The following AXL variants were observed in gnomAD, a reference collection of about 807,000 sequenced individuals.
AXL encodes the protein tyrosine-protein kinase receptor UFO.
A neutral mutation model predicts 104.5 loss-of-function variants in AXL; 52 were observed. That is an observed-to-expected ratio of 0.50 (90% CI 0.40 to 0.63). The LOEUF (loss-of-function observed/expected upper bound fraction) is 0.63, where lower values mean the gene tolerates loss of function less well. AXL is among the 20% of genes least tolerant of loss of function. The probability of loss-of-function intolerance (pLI) is 0.00; values close to 1 mark genes in which losing one functional copy is unlikely to be tolerated. For synonymous variants in AXL, 455 were observed against 473.7 expected (o/e 0.96, Z 0.51); for missense variants, 1,024 against 1,188.5 (o/e 0.86, Z 2.04).
chr19:41,228,910 A>C (rs2033928233), intron 4 of AXL, among the ~76,000 whole-genome samples: 2 of 152,002 alleles, frequency 1.3e-5, no homozygotes, highest in African/African-American at 4.8e-5. Flanking sequence ...AATTAGCTCC[A>C]ATTTTATTGT....
At chr19:41,252,997 A>G in intron 16 of AXL, 30 bp downstream of exon 16, 1 of 1,611,720 alleles carries the variant, frequency 6.2e-7, no homozygotes, top group Non-Finnish European at 8.5e-7. Context: ...TCAGTCTACA[A>G]ATATTAACTG....
intron 17 of AXL, among the ~76,000 whole-genome samples, chr19:41,254,628 A>G (rs1047310866): frequency 1.3e-5 from 2 of 151,968 alleles, no homozygotes; most frequent in African/African-American, 4.8e-5. Context: ...GAGTTAGAAT[A>G]TTAGTCTTGG....
rs369982011 is a variant in AXL, at chr19:41,253,736, C to T, written c.2036+28C>T. The T allele has an allele frequency of 6.0e-5, 76 of 1,262,594 alleles. 1 individual carries two copies. The highest frequency in any genetic ancestry group is 4.0e-4 in the Middle Eastern group (2 of 5,036). The allele number at this position is 1,262,594 out of a possible 1,614,324, so 78.2% of individuals were successfully genotyped here. On this transcript the variant is annotated intron_variant, in intron 17 of 19. Transcript: ENST00000301178. ...GAGTGCCTTTCAGGGACCCCCCCCC[C>T]CCAACTGCTCCTGCACTCCCTGAGG...
At chr19:41,252,142 T>TTA (rs1043772790) in intron 14 of AXL, among the ~76,000 whole-genome samples, 216 of 122,468 alleles carry the variant, frequency 1.8e-3, no homozygotes, top group South Asian at 7.2e-3. Context: ...AATATATATT[T>TTA]TATATATATA....
At chr19:41,242,652 C>A (rs2034203606) in intron 10 of AXL, among the ~76,000 whole-genome samples, 1 of 152,122 alleles carries the variant, frequency 6.6e-6, no homozygotes, top group Non-Finnish European at 1.5e-5. Context: ...TTAACTCACC[C>A]ATCCTACAAC....
intron 1 of AXL, 134 bp downstream of exon 1, chr19:41,219,611 CT>C: frequency 1.0e-6 from 1 of 996,500 alleles, no homozygotes. Context: ...AGAAAAGGGA[CT>C]TCAAGGGAGG....
chr19:41,237,486 G>GC (rs1363890355), intron 6 of AXL, among the ~76,000 whole-genome samples: 1 of 151,994 alleles, frequency 6.6e-6, no homozygotes, highest in Non-Finnish European at 1.5e-5. Flanking sequence ...TCAAGTGATC[G>GC]CCCACCTTGG....
intron 18 of AXL, 145 bp downstream of exon 18, chr19:41,256,756 G>A (rs542115551): frequency 2.1e-5 from 24 of 1,135,016 alleles, no homozygotes; most frequent in Non-Finnish European, 2.5e-5. Context: ...GGCTGGGCAT[G>A]TCTTGGGGTA....
chr19:41,229,736 G>A (rs1031250223), intron 4 of AXL, among the ~76,000 whole-genome samples: 2 of 152,208 alleles, frequency 1.3e-5, no homozygotes, highest in African/African-American at 4.8e-5. Context: ...ATGTGTTCCA[G>A]AGACACTGGA....
chr19:41,219,589 C>T (rs2033748215), intron 1 of AXL, 112 bp downstream of exon 1: 8 of 1,239,236 alleles, frequency 6.5e-6, no homozygotes, highest in Non-Finnish European at 7.9e-6. Context: ...TAGGGAGTTT[C>T]CTTGGGACCA....
rs775605894 is a variant in AXL at position 41,222,049 on chromosome 19, T to A, written c.579T>A (p.His193Gln). Residue 193 changes from histidine (H) to glutamine (Q), a missense_variant, in exon 4 of 20, where the codon CAT becomes CAA. By Grantham distance (24) the His-to-Gln change is conservative (BLOSUM62 0). Coordinates refer to ENST00000301178, the MANE Select transcript of AXL (RefSeq NM_021913.5). Reference protein sequence around the residue: ...APGHGPQRSLHVPGLNKTSSF... With the variant: ...APGHGPQRSLQVPGLNKTSSF... ...GTCACGGCCCCCAGCGCAGCCTGCA[T>A]GTTCCAGGTGAGTCCGGGGATGTGG... The A allele has an allele frequency of 1.9e-6, 3 of 1,568,530 alleles. No homozygotes were observed. The highest frequency in any genetic ancestry group is 2.6e-6 in the Non-Finnish European group (3 of 1,161,158).
intron 12 of AXL, among the ~76,000 whole-genome samples, chr19:41,247,724 T>G (rs1411070859): frequency 6.6e-6 from 1 of 151,154 alleles, no homozygotes; most frequent in Non-Finnish European, 1.5e-5. Flanking sequence ...GCTGGGACTA[T>G]AGGCGCGTAC....
At chr19:41,252,523 G>A (rs2034382900) in intron 15 of AXL, 80 bp downstream of exon 15, 1 of 1,509,674 alleles carries the variant, frequency 6.6e-7, no homozygotes, top group Non-Finnish European at 9.1e-7. Context: ...TCTGGCCCTG[G>A]GAAGATCAAA....
At chr19:41,255,368 TTCTC>T (rs35063299) in intron 17 of AXL, among the ~76,000 whole-genome samples, 5 of 149,188 alleles carry the variant, frequency 3.4e-5, no homozygotes, top group Non-Finnish European at 7.4e-5. Flanking sequence ...TTCTTTCTCT[TTCTC>T]TCTCTTTATC....
At chr19:41,234,515 A>T (rs2034045983) in intron 6 of AXL, among the ~76,000 whole-genome samples, 1 of 152,112 alleles carries the variant, frequency 6.6e-6, no homozygotes, top group African/African-American at 2.4e-5. Context: ...AGCTTGTGTG[A>T]CAGAGTGAGA....
In AXL at chr19:41,242,535, G is replaced by A. The variant is rs547452129; in HGVS notation, c.1313-348G>A. Among the ~76,000 whole-genome samples the A allele has an allele frequency of 1.1e-4, 17 of 151,784 alleles. No individual in the cohort carries two copies. The South Asian group carries it at 1.3e-3, about 11-fold the overall frequency. On this transcript the variant is annotated intron_variant, in intron 10 of 19. Coordinates refer to ENST00000301178, the MANE Select transcript of AXL (RefSeq NM_021913.5). ...AGTAGAGACAGGGTTTCATCATGTC[G>A]GCCGGGCTGGTCTTGAACTCCTTGC...
At position 41,259,690 on chromosome 19, in the gene AXL, T is replaced by C. The variant is rs767935771; in HGVS notation, c.2471T>C (p.Met824Thr). The change falls in exon 20 of 20, where the codon ATG becomes ACG. Residue 824 changes from methionine to threonine, a missense_variant. By Grantham distance (81) the Met-to-Thr change is moderately conservative (BLOSUM62 -1). Transcript: ENST00000301178. The stretch of plus-strand genomic sequence containing the variant: ...CCTGACGAAATCCTCTATGTCAACA[T>C]GGATGAGGGTGGAGGTTATCCTGAA... ...QEPDEILYVNMDEGGGYPEPP... is the reference protein window; with the variant it reads ...QEPDEILYVNTDEGGGYPEPP... 20 of 1,613,940 alleles carry C rather than the reference T, an allele frequency of 1.2e-5. No individual in the cohort carries two copies. In the Admixed American group the frequency reaches 2.0e-4, roughly 16 times the overall value.
intron 4 of AXL, among the ~76,000 whole-genome samples, chr19:41,229,533 G>A (rs1311631735): frequency 2.6e-5 from 4 of 152,220 alleles, no homozygotes; most frequent in African/African-American, 7.2e-5. Flanking sequence ...CCAAAGTGCT[G>A]GGATTACAGT....
At position 41,261,420 on chromosome 19, in the gene AXL, A is replaced by C. The variant is rs772326604; in HGVS notation, c.*1516A>C. ...TTTCTAAAATCTTATAGTTCTAGGC[A>C]CTGTAGTTCTAAGACTCAAATGTTC... On this transcript the variant is annotated 3_prime_UTR_variant, in exon 20 of 20. Transcript: ENST00000301178. 3 of 152,572 alleles carry C rather than the reference A, an allele frequency of 2.0e-5. No individual in the cohort carries two copies. The highest frequency in any genetic ancestry group is 4.4e-5 in the Non-Finnish European group (3 of 68,052). The allele number at this position is 152,572 out of a possible 1,614,324, so 9.5% of individuals were successfully genotyped here. A position where few individuals can be genotyped will look rare whatever the true frequency, so the allele number is the denominator to read the frequency against.
Sources: allele counts gnomAD v4.1 joint callset (sites outside exome capture counted in the v4.1 genomes callset), GRCh38; gene constraint gnomAD v4.1.1; transcripts MANE v1.5; gene names NCBI Gene and HGNC (gene_info 2026-07-23, HGNC 2026-07-21).